CTNND2: variants seen among roughly 807,000 people sequenced by gnomAD.
The protein encoded by CTNND2 is catenin delta 2.
In CTNND2, 22 loss-of-function variants were observed where a neutral mutation model predicts 144.4. That is an observed-to-expected ratio of 0.15 (90% confidence interval 0.11 to 0.22). The LOEUF (loss-of-function observed/expected upper bound fraction) is 0.22, where lower values mean the gene tolerates loss of function less well. Among genes scored for constraint, CTNND2 ranks in the 10% least tolerant of loss-of-function variants. The pLI is 1.00. For missense variants in CTNND2, 1,353 were observed against 1,618.8 expected (o/e 0.84, Z 2.82); for synonymous variants, 751 against 695.6 (o/e 1.08, Z -1.25).
chr5:11,588,815 G>T, intron 2 of CTNND2: 1 of 985,308 alleles, frequency 1.0e-6, no homozygotes, highest in Non-Finnish European at 1.2e-6. Context: ...TAGTCCCAAA[G>T]ATGAAGGGTT....
intron 7 of CTNND2, among the ~76,000 whole-genome samples, chr5:11,368,089 C>T (rs1757144387): frequency 6.6e-6 from 1 of 152,138 alleles, no homozygotes; most frequent in Admixed American, 6.5e-5. Context: ...AGACTCACAG[C>T]TGAAACATGG....
intron 16 of CTNND2, among the ~76,000 whole-genome samples, chr5:11,074,423 C>T (rs761081291): frequency 5.3e-5 from 8 of 152,124 alleles, no homozygotes; most frequent in Admixed American, 2.0e-4. Context: ...GGAATTTAGA[C>T]GGACTTTGAG....
At chr5:10,999,165 T>G (rs1256742082) in intron 18 of CTNND2, among the ~76,000 whole-genome samples, 1 of 152,256 alleles carries the variant, frequency 6.6e-6, no homozygotes, top group Admixed American at 6.5e-5. Flanking sequence ...AAGTTATTGC[T>G]AAGCTGACAT....
chr5:11,125,364 T>C (rs553239014), intron 12 of CTNND2, among the ~76,000 whole-genome samples: 2 of 152,340 alleles, frequency 1.3e-5, no homozygotes, highest in East Asian at 1.9e-4. Flanking sequence ...CTGGCTTCCT[T>C]ATTATTCAAA....
At chr5:11,465,578 A>G (rs61757541) in intron 3 of CTNND2, among the ~76,000 whole-genome samples, 171 of 152,264 alleles carry the variant, frequency 1.1e-3, no homozygotes, top group African/African-American at 3.9e-3. Flanking sequence ...GAAGATCACT[A>G]TTGACTGTGG....
chr5:11,098,441 C>A (rs1751571727), intron 15 of CTNND2, 134 bp downstream of exon 15: 2 of 750,122 alleles, frequency 2.7e-6, no homozygotes, highest in Admixed American at 3.0e-5. Context: ...TAAAACAGTT[C>A]AATATAATTT....
chr5:11,327,499 T>C (rs190986931), intron 9 of CTNND2, among the ~76,000 whole-genome samples: 82 of 152,352 alleles, frequency 5.4e-4, no homozygotes, highest in African/African-American at 1.9e-3. Context: ...AGTGTAAATT[T>C]TGTTGATCAC....
intron 5 of CTNND2, among the ~76,000 whole-genome samples, chr5:11,407,994 C>T (rs1436497523): frequency 6.6e-6 from 1 of 151,932 alleles, no homozygotes; most frequent in South Asian, 2.1e-4. Flanking sequence ...CAATGGGAGG[C>T]AGGAGAAGGA....
At chr5:11,126,394 T>C (rs1281051041) in intron 12 of CTNND2, among the ~76,000 whole-genome samples, 1 of 152,248 alleles carries the variant, frequency 6.6e-6, no homozygotes, top group Non-Finnish European at 1.5e-5. Context: ...TACTGTATTA[T>C]GTAATGTTTG....
Position 10,972,826 on chromosome 5 carries a change from G to A in CTNND2, c.*627C>T, listed in dbSNP as rs1381450673. 2 of 152,076 alleles carry A rather than the reference G, an allele frequency of 1.3e-5. No individual in the cohort carries two copies. Among genetic ancestry groups the A allele is most frequent in the African/African-American group, 4.8e-5 (2 of 41,250 alleles). The allele number at this position is 152,076 out of a possible 1,614,324, so 9.4% of individuals were successfully genotyped here. The stretch of plus-strand genomic sequence containing the variant: ...ACTGGGAGAAAGTAAAGAAAAACTG[G>A]AAATCCATACATCTTTCAAAAGTTT... On this transcript the variant is annotated 3_prime_UTR_variant, in exon 22 of 22. Coordinates refer to ENST00000304623, the MANE Select transcript of CTNND2 (RefSeq NM_001332.4).
chr5:11,459,434 G>C (rs1037525420), intron 3 of CTNND2, among the ~76,000 whole-genome samples: 1 of 152,112 alleles, frequency 6.6e-6, no homozygotes, highest in African/African-American at 2.4e-5. Flanking sequence ...CAGTGGAAAG[G>C]TATTGTTTTG....
At chr5:11,347,927 T>A (rs919436356) in intron 8 of CTNND2, among the ~76,000 whole-genome samples, 10 of 152,120 alleles carry the variant, frequency 6.6e-5, no homozygotes, top group Admixed American at 6.5e-5. Flanking sequence ...GCAAAGTGAA[T>A]GGGAGGAATA....
intron 3 of CTNND2, among the ~76,000 whole-genome samples, chr5:11,544,462 G>C (rs1465508873): frequency 6.6e-6 from 1 of 152,162 alleles, no homozygotes; most frequent in Non-Finnish European, 1.5e-5. Context: ...TCAAGAAAAA[G>C]TAACAATTAA....
At chr5:10,995,165 A>T (rs1381425651) in intron 18 of CTNND2, among the ~76,000 whole-genome samples, 2 of 152,196 alleles carry the variant, frequency 1.3e-5, no homozygotes, top group Non-Finnish European at 2.9e-5. Context: ...TATTTAAAGC[A>T]AAGAGAATGG....
chr5:11,105,027 C>T (rs1459075148), intron 14 of CTNND2, among the ~76,000 whole-genome samples: 2 of 152,194 alleles, frequency 1.3e-5, no homozygotes, highest in Non-Finnish European at 2.9e-5. Context: ...ATCACGAGGC[C>T]GGCCACTGTG....
intron 2 of CTNND2, among the ~76,000 whole-genome samples, chr5:11,680,242 C>T (rs1051688921): frequency 2.0e-5 from 3 of 152,098 alleles, no homozygotes; most frequent in East Asian, 1.9e-4. Context: ...TCTTAGATAA[C>T]GCAGGAACAC....
chr5:11,390,231 G>A (rs796559689), intron 6 of CTNND2, among the ~76,000 whole-genome samples: 7 of 152,318 alleles, frequency 4.6e-5, no homozygotes, highest in African/African-American at 1.7e-4. Flanking sequence ...CCACAATTAA[G>A]ACACTGTTCT....
intron 10 of CTNND2, among the ~76,000 whole-genome samples, chr5:11,222,647 A>C (rs1321533366): frequency 6.6e-6 from 1 of 152,124 alleles, no homozygotes; most frequent in African/African-American, 2.4e-5. Flanking sequence ...CTCTACAAAA[A>C]ATAAAAAAAT....
At chr5:11,620,789 G>A (rs1251049479) in intron 2 of CTNND2, among the ~76,000 whole-genome samples, 1 of 152,164 alleles carries the variant, frequency 6.6e-6, no homozygotes, top group Non-Finnish European at 1.5e-5. Flanking sequence ...GGAGGCTGGA[G>A]TTGTTCTTCC....
Sources: gnomAD v4.1 joint callset for allele counts (sites outside exome capture counted in the v4.1 genomes callset) on GRCh38, gnomAD v4.1.1 for gene constraint, MANE v1.5 for transcripts, NCBI Gene and HGNC (gene_info 2026-07-23, HGNC 2026-07-21) for gene names.